PDE4D: variants seen among roughly 807,000 people sequenced by gnomAD.
PDE4D encodes the protein 3',5'-cyclic-AMP phosphodiesterase 4D.
A neutral mutation model predicts 87.4 loss-of-function variants in PDE4D; 24 were observed. The observed-to-expected ratio is 0.27, with a 90% CI of 0.20 to 0.39. The LOEUF (loss-of-function observed/expected upper bound fraction) is 0.39. Among genes scored for constraint, PDE4D ranks in the 10% least tolerant of loss-of-function variants. The pLI, the probability that PDE4D is intolerant of heterozygous loss-of-function variation, is 1.00. For synonymous variants in PDE4D, 384 were observed against 383.2 expected (o/e 1.00, Z -0.02); for missense variants, 714 against 1,041.0 (o/e 0.69, Z 4.32).
intron 1 of PDE4D, among the ~76,000 whole-genome samples, chr5:59,742,882 T>C (rs958222071): frequency 1.3e-5 from 2 of 152,194 alleles, no homozygotes; most frequent in African/African-American, 4.8e-5. Flanking sequence ...ATATTTATTT[T>C]GAAAGAAAAT....
In PDE4D at chr5:60,076,914, G is replaced by A. The variant is rs115291738; in HGVS notation, c.43-88197C>T. ...TGTGTGGGCATTCACAGCAGCAGTG[G>A]TGGCCACATGGCGACATGGCTTGGG... is the stretch of plus-strand genomic sequence containing the variant. On this transcript the variant is annotated intron_variant, in intron 2 of 16. Transcript: ENST00000502484. Among the ~76,000 whole-genome samples, 671 of 152,338 alleles carry A rather than the reference G, an allele frequency of 4.4e-3. 7 individuals carry two copies. The highest frequency in any genetic ancestry group is 0.015 in the African/African-American group (638 of 41,576).
chr5:59,350,327 T>C (rs984943744), intron 1 of PDE4D, among the ~76,000 whole-genome samples: 8 of 152,056 alleles, frequency 5.3e-5, no homozygotes, highest in South Asian at 4.1e-4. Flanking sequence ...GGGTGGGACA[T>C]TGGAACAAAG....
chr5:59,937,722 A>C (rs1293970476), intron 3 of PDE4D, among the ~76,000 whole-genome samples: 1 of 152,224 alleles, frequency 6.6e-6, no homozygotes, highest in African/African-American at 2.4e-5. Flanking sequence ...CAGTTGCCTC[A>C]ACATTTGAAT....
chr5:59,397,502 G>A lies in PDE4D; in HGVS notation c.456-181534C>T, dbSNP rs1789650135. Among the ~76,000 whole-genome samples, 2 of 116,146 alleles carry A rather than the reference G, an allele frequency of 1.7e-5. 1 individual carries two copies. The highest frequency in any genetic ancestry group is 3.6e-5 in the Non-Finnish European group (2 of 55,252). 76.2% of individuals were successfully genotyped at this position (116,146 alleles called of 152,430 possible). On this transcript the variant is annotated intron_variant, in intron 1 of 14. Coordinates refer to ENST00000340635, the MANE Select transcript of PDE4D (RefSeq NM_001104631.2). ...ACTACTGGGTACATAATGAAATGAAGGCAGAAATAAAGATGTTCTTTGAAA... is the reference window on the plus strand; with the variant it reads ...ACTACTGGGTACATAATGAAATGAAAGCAGAAATAAAGATGTTCTTTGAAA...
intron 2 of PDE4D, among the ~76,000 whole-genome samples, chr5:60,017,241 G>A (rs970910879): frequency 1.3e-5 from 2 of 152,114 alleles, no homozygotes; most frequent in Non-Finnish European, 2.9e-5. Context: ...GGTAATACAG[G>A]CTTTGTTGTT....
intron 5 of PDE4D, among the ~76,000 whole-genome samples, chr5:59,095,200 C>A (rs1769472015): frequency 6.6e-6 from 1 of 151,434 alleles, no homozygotes; most frequent in Non-Finnish European, 1.5e-5. Flanking sequence ...TAATGACCCA[C>A]CATTCAACGA....
At chr5:59,525,921 A>AGAACT (rs756877714) in intron 1 of PDE4D, among the ~76,000 whole-genome samples, 34 of 152,178 alleles carry the variant, frequency 2.2e-4, no homozygotes, top group Non-Finnish European at 4.4e-4. Context: ...CCAGTCATGC[A>AGAACT]GAACTGTGAG....
chr5:59,131,839 T>C (rs1776336482), intron 5 of PDE4D, among the ~76,000 whole-genome samples: 1 of 152,202 alleles, frequency 6.6e-6, no homozygotes, highest in Non-Finnish European at 1.5e-5. Flanking sequence ...ATGTTGGGCC[T>C]CACAGTTTTT....
intron 1 of PDE4D, among the ~76,000 whole-genome samples, chr5:59,599,816 C>T (rs925483177): frequency 5.3e-5 from 8 of 152,058 alleles, no homozygotes; most frequent in Admixed American, 2.6e-4. Context: ...GCTGGCTAGC[C>T]GTTGGTATTG....
intron 6 of PDE4D, among the ~76,000 whole-genome samples, chr5:59,037,783 C>G (rs1404561465): frequency 6.6e-6 from 1 of 151,836 alleles, no homozygotes; most frequent in Non-Finnish European, 1.5e-5. Flanking sequence ...TATGCCGTGG[C>G]CTTTTTGTAA....
intron 1 of PDE4D, among the ~76,000 whole-genome samples, chr5:59,651,298 AATAATAATT>A (rs1188721524): frequency 2.7e-5 from 4 of 147,702 alleles, no homozygotes; most frequent in African/African-American, 1.0e-4. Context: ...TAATAATAAT[AATAATAATT>A]GCTAAATGAG....
At chr5:59,258,676 T>C (rs1475107217) in intron 1 of PDE4D, among the ~76,000 whole-genome samples, 1 of 148,596 alleles carries the variant, frequency 6.7e-6, no homozygotes, top group African/African-American at 2.4e-5. Context: ...ATATATTATA[T>C]ATCATATAGA....
chr5:59,315,612 G>A (rs551727443), intron 1 of PDE4D, among the ~76,000 whole-genome samples: 1 of 152,132 alleles, frequency 6.6e-6, no homozygotes, highest in Non-Finnish European at 1.5e-5. Flanking sequence ...GCTGGCACCA[G>A]GGAGGGGGAA....
intron 2 of PDE4D, among the ~76,000 whole-genome samples, chr5:60,030,580 C>T (rs1340382038): frequency 1.3e-5 from 2 of 152,200 alleles, no homozygotes; most frequent in African/African-American, 2.4e-5. Flanking sequence ...TTCTAAAACT[C>T]GTCACATTCT....
chr5:59,686,939 A>T (rs1467655745), intron 1 of PDE4D, among the ~76,000 whole-genome samples: 1 of 152,192 alleles, frequency 6.6e-6, no homozygotes, highest in Non-Finnish European at 1.5e-5. Context: ...GCAATTAACA[A>T]ACACCATTTA....
intron 1 of PDE4D, among the ~76,000 whole-genome samples, chr5:60,505,446 G>A (rs1241717904): frequency 1.3e-5 from 2 of 152,170 alleles, no homozygotes; most frequent in Admixed American, 1.3e-4. Flanking sequence ...AGAAGGAAGA[G>A]CTCTCAAACC....
At chr5:59,600,789 AC>A (rs1827392226) in intron 1 of PDE4D, among the ~76,000 whole-genome samples, 1 of 152,186 alleles carries the variant, frequency 6.6e-6, no homozygotes, top group African/African-American at 2.4e-5. Flanking sequence ...TATTATTGAA[AC>A]AACAGTTGTG....
intron 1 of PDE4D, among the ~76,000 whole-genome samples, chr5:60,309,874 T>C (rs767712064): frequency 6.6e-6 from 1 of 152,258 alleles, no homozygotes; most frequent in Non-Finnish European, 1.5e-5. Context: ...CTAGATACTA[T>C]GTAAGACATG....
chr5:59,050,560 G>C (rs1302200303), intron 5 of PDE4D, among the ~76,000 whole-genome samples: 3 of 152,202 alleles, frequency 2.0e-5, no homozygotes, highest in African/African-American at 7.2e-5. Flanking sequence ...ACACGAATAA[G>C]ATAAATTAGT....
Sources: gnomAD v4.1 joint callset for allele counts (sites outside exome capture counted in the v4.1 genomes callset) on GRCh38, gnomAD v4.1.1 for gene constraint, MANE v1.5 for transcripts, NCBI Gene and HGNC (gene_info 2026-07-23, HGNC 2026-07-21) for gene names.